The following LRRTM4 variants were observed in gnomAD, a reference collection of about 807,000 sequenced individuals.
The protein encoded by LRRTM4 is leucine-rich repeat transmembrane neuronal protein 4.
A neutral mutation model predicts 47.6 loss-of-function variants in LRRTM4; 25 were observed. The ratio of observed to expected loss-of-function variants is 0.53; its 90% CI spans 0.38 to 0.73. The LOEUF (loss-of-function observed/expected upper bound fraction) is 0.73, where lower values mean the gene tolerates loss of function less well. Ranked by LOEUF, LRRTM4 falls within the 30% of genes least tolerant of loss-of-function variation. The pLI is 0.00. For missense variants in LRRTM4, 638 were observed against 713.4 expected, an observed-to-expected ratio of 0.89 and a Z score of 1.20; for synonymous variants, 311 against 269.5, an observed-to-expected ratio of 1.15 and a Z score of -1.51.
chr2:77,450,460 T>C (rs1676214417), intron 3 of LRRTM4, among the ~76,000 whole-genome samples: 1 of 152,172 alleles, frequency 6.6e-6, no homozygotes, highest in African/African-American at 2.4e-5. Context: ...CTTTAGTCAA[T>C]AACATAGGAA....
intron 3 of LRRTM4, among the ~76,000 whole-genome samples, chr2:77,157,512 T>C (rs569690071): frequency 6.6e-6 from 1 of 152,298 alleles, no homozygotes; most frequent in Non-Finnish European, 1.5e-5. Flanking sequence ...TCATTATTGC[T>C]TATAATATTT....
chr2:76,865,957 A>G, intron 3 of LRRTM4, among the ~76,000 whole-genome samples: 1 of 152,184 alleles, frequency 6.6e-6, no homozygotes, highest in East Asian at 1.9e-4. Context: ...AATCTAAATT[A>G]TTTTTAAGAA....
At position 77,145,776 on chromosome 2, in the gene LRRTM4, A is replaced by T. The variant is rs11899875; in HGVS notation, c.1551+372542T>A. Among the ~76,000 whole-genome samples, 1,137 of 148,076 alleles carry T rather than the reference A, an allele frequency of 7.7e-3. 12 individuals are homozygous for T. The highest frequency in any genetic ancestry group is 0.026 in the African/African-American group (1,032 of 39,786). On this transcript the variant is annotated intron_variant, in intron 3 of 3. Transcript: ENST00000409884. ...GTGACAAAGCGAGGCTCCGTCTCAA[A>T]AAATAAATAAATAAATAAATAAATA...
intron 3 of LRRTM4, among the ~76,000 whole-genome samples, chr2:77,182,788 G>A (rs1362353815): frequency 6.6e-6 from 1 of 152,140 alleles, no homozygotes; most frequent in Non-Finnish European, 1.5e-5. Flanking sequence ...TGCCCATTCA[G>A]TATGATATTG....
At chr2:76,939,800 T>A (rs1030274149) in intron 3 of LRRTM4, among the ~76,000 whole-genome samples, 1 of 152,162 alleles carries the variant, frequency 6.6e-6, no homozygotes, top group African/African-American at 2.4e-5. Flanking sequence ...TGGTCATACA[T>A]AGATCATTCA....
chr2:76,748,696 T>C lies in LRRTM4; in HGVS notation c.1772A>G (p.Ter591=). 6.2e-7 allele frequency: 1 copy of C among 1,611,562 alleles called. No homozygotes were observed. Among genetic ancestry groups the C allele is most frequent in the Non-Finnish European group, 8.5e-7 (1 of 1,179,082 alleles). Residue 591 remains the stop codon, a stop_retained_variant, in exon 4 of 4, where the codon TAA becomes TGA. Transcript: ENST00000409884. ...CCCAGTGAGGAGTTGGCTTCAGCGTTAGTTTGCAATTCTCTCTAGGTAGAT... is the reference window on the plus strand; with the variant it reads ...CCCAGTGAGGAGTTGGCTTCAGCGTCAGTTTGCAATTCTCTCTAGGTAGAT... The part of the protein sequence containing the change: ...PAIYLERIAN[*]
At chr2:77,500,586 T>C (rs1474120715) in intron 3 of LRRTM4, among the ~76,000 whole-genome samples, 3 of 151,678 alleles carry the variant, frequency 2.0e-5, no homozygotes, top group African/African-American at 7.2e-5. Flanking sequence ...TGCATAACAT[T>C]GTAGTATTCT....
At chr2:77,038,155 G>A (rs1035287215) in intron 3 of LRRTM4, among the ~76,000 whole-genome samples, 1 of 151,518 alleles carries the variant, frequency 6.6e-6, no homozygotes, top group Non-Finnish European at 1.5e-5. Context: ...AGGCTTTTGA[G>A]TAGAAAAATT....
chr2:77,017,827 T>TGA (rs963766291), intron 3 of LRRTM4, among the ~76,000 whole-genome samples: 5 of 152,234 alleles, frequency 3.3e-5, no homozygotes, highest in East Asian at 3.9e-4. Flanking sequence ...TTCTAGACAA[T>TGA]GAGAACCCAA....
intron 3 of LRRTM4, among the ~76,000 whole-genome samples, chr2:77,266,687 T>C (rs1024068891): frequency 6.6e-6 from 1 of 152,092 alleles, no homozygotes; most frequent in African/African-American, 2.4e-5. Flanking sequence ...GCTAAAAATA[T>C]GTCTGAAAGG....
chr2:77,454,159 A>G (rs1676371507), intron 3 of LRRTM4, among the ~76,000 whole-genome samples: 1 of 152,234 alleles, frequency 6.6e-6, no homozygotes, highest in Admixed American at 6.5e-5. Flanking sequence ...TATAATGTCT[A>G]TTAAAGCAGA....
At chr2:77,253,357 T>A (rs2104019468) in intron 3 of LRRTM4, among the ~76,000 whole-genome samples, 1 of 152,160 alleles carries the variant, frequency 6.6e-6, no homozygotes, top group East Asian at 1.9e-4. Flanking sequence ...TAAAGAGGGT[T>A]CTCTCTTCTA....
chr2:77,132,866 G>A (rs1671839634), intron 3 of LRRTM4, among the ~76,000 whole-genome samples: 1 of 152,168 alleles, frequency 6.6e-6, no homozygotes, highest in African/African-American at 2.4e-5. Context: ...GAGACAGAAA[G>A]GGAAAGGGAA....
At chr2:76,931,485 G>C (rs1674767355) in intron 3 of LRRTM4, among the ~76,000 whole-genome samples, 1 of 151,982 alleles carries the variant, frequency 6.6e-6, no homozygotes, top group African/African-American at 2.4e-5. Context: ...CTGAGTGTGG[G>C]ACAAGGTTCC....
chr2:77,105,482 G>T (rs188290633), intron 3 of LRRTM4, among the ~76,000 whole-genome samples: 2 of 142,276 alleles, frequency 1.4e-5, no homozygotes, highest in East Asian at 4.3e-4. Flanking sequence ...ACACAGGAAG[G>T]GGAACATCAC....
intron 3 of LRRTM4, among the ~76,000 whole-genome samples, chr2:77,139,605 A>G (rs542587317): frequency 1.7e-4 from 26 of 152,272 alleles, no homozygotes; most frequent in Non-Finnish European, 2.2e-4. Context: ...CCTATTCAAC[A>G]TAGTGTTGGA....
chr2:76,810,677 G>A (rs889469481), intron 3 of LRRTM4, among the ~76,000 whole-genome samples: 2 of 152,088 alleles, frequency 1.3e-5, no homozygotes, highest in Non-Finnish European at 2.9e-5. Flanking sequence ...TTAACCTGCT[G>A]TAACTTAACT....
In LRRTM4 at chr2:77,455,589, A is replaced by G. The variant is rs570102450; in HGVS notation, c.1551+62729T>C. Reference sequence around the variant, plus strand: ...TTCATACCCTTTTTTCCTATTCTCAAACCTCTTCTTTTCTCTCCCTCCTCC... The same window carrying G: ...TTCATACCCTTTTTTCCTATTCTCAGACCTCTTCTTTTCTCTCCCTCCTCC... On this transcript the variant is annotated intron_variant, in intron 3 of 3. Coordinates refer to ENST00000409884, the MANE Select transcript of LRRTM4 (RefSeq NM_001134745.3). Among the ~76,000 whole-genome samples, 29 of 151,598 alleles carry G rather than the reference A, an allele frequency of 1.9e-4. No individual in the cohort carries two copies. In the South Asian group the frequency reaches 6.1e-3, roughly 32 times the overall value.
At chr2:76,754,993 C>T (rs547714259) in intron 3 of LRRTM4, among the ~76,000 whole-genome samples, 1 of 152,234 alleles carries the variant, frequency 6.6e-6, no homozygotes, top group Admixed American at 6.5e-5. Flanking sequence ...TATTGCCAAC[C>T]TCCACAGACT....
Sources: gnomAD v4.1 joint callset for allele counts (sites outside exome capture counted in the v4.1 genomes callset) on GRCh38, gnomAD v4.1.1 for gene constraint, MANE v1.5 for transcripts, NCBI Gene and HGNC (gene_info 2026-07-23, HGNC 2026-07-21) for gene names.